Variants in DLGAP2 observed in about 807,000 individuals in gnomAD.
DLGAP2 encodes disks large-associated protein 2.
In DLGAP2, 26 loss-of-function variants were observed where a neutral mutation model predicts 100.3. That is an observed-to-expected ratio of 0.26 (90% CI 0.19 to 0.36). The LOEUF is 0.36. Among genes scored for constraint, DLGAP2 ranks in the 10% least tolerant of loss-of-function variants. The probability of loss-of-function intolerance (pLI) is 1.00; values close to 1 mark genes in which losing one functional copy is unlikely to be tolerated. For missense variants in DLGAP2, 1,858 were observed against 1,453.2 expected (o/e 1.28, Z -4.53); for synonymous variants, 886 against 630.1 (o/e 1.41, Z -6.08).
chr8:1,445,169 T>C (rs1337830936), intron 3 of DLGAP2, among the ~76,000 whole-genome samples: 2 of 150,786 alleles, frequency 1.3e-5, no homozygotes, highest in African/African-American at 4.9e-5. Flanking sequence ...ACATGTGCCA[T>C]GCTGGTGTGC....
intron 3 of DLGAP2, among the ~76,000 whole-genome samples, chr8:1,466,536 TG>T (rs1798632124): frequency 2.7e-5 from 4 of 149,402 alleles, no homozygotes; most frequent in African/African-American, 7.2e-5. Flanking sequence ...TGTGTGTGTG[TG>T]TGTGTGTATG....
intron 2 of DLGAP2, among the ~76,000 whole-genome samples, chr8:1,110,024 G>T (rs1423998806): frequency 3.6e-5 from 5 of 137,270 alleles, no homozygotes; most frequent in South Asian, 5.2e-4. Context: ...GGGTCTGTGA[G>T]GTGTGCACGT....
intron 6 of DLGAP2, among the ~76,000 whole-genome samples, chr8:1,568,828 A>T (rs1406386932): frequency 7.1e-6 from 1 of 140,592 alleles, no homozygotes; most frequent in Non-Finnish European, 1.5e-5. Flanking sequence ...AGCAGACACA[A>T]ATCCGTCTCT....
chr8:1,448,455 T>C (rs1798042609), intron 3 of DLGAP2, among the ~76,000 whole-genome samples: 1 of 152,184 alleles, frequency 6.6e-6, no homozygotes. Flanking sequence ...TGAGAGACAG[T>C]TTGTTATAAT....
intron 3 of DLGAP2, among the ~76,000 whole-genome samples, chr8:1,272,796 C>G (rs1585212479): frequency 1.3e-5 from 2 of 152,036 alleles, no homozygotes; most frequent in South Asian, 2.1e-4. Context: ...CTAGAGCTGT[C>G]AAAGAAGGTC....
intron 3 of DLGAP2, among the ~76,000 whole-genome samples, chr8:1,320,491 A>G (rs1800871000): frequency 6.6e-6 from 1 of 152,204 alleles, no homozygotes; most frequent in Non-Finnish European, 1.5e-5. Context: ...GGAGCCGGGC[A>G]GACGGGTGAA....
chr8:1,154,103 G>C (rs563266745), intron 2 of DLGAP2, among the ~76,000 whole-genome samples: 1 of 152,172 alleles, frequency 6.6e-6, no homozygotes, highest in Non-Finnish European at 1.5e-5. Context: ...CTAAAAATGT[G>C]CATACATGGA....
intron 3 of DLGAP2, among the ~76,000 whole-genome samples, chr8:1,333,541 T>C (rs1024533388): frequency 6.6e-6 from 1 of 152,140 alleles, no homozygotes; most frequent in Non-Finnish European, 1.5e-5. Flanking sequence ...GTGAGTCCTG[T>C]GTGCAGGGTT....
intron 2 of DLGAP2, among the ~76,000 whole-genome samples, chr8:985,231 G>A (rs761807512): frequency 3.9e-5 from 6 of 152,222 alleles, no homozygotes; most frequent in Non-Finnish European, 7.3e-5. Context: ...AAGGTCCGAA[G>A]GCCTGGCTCA....
chr8:1,590,785 C>T (rs1292113937), intron 6 of DLGAP2, among the ~76,000 whole-genome samples: 1 of 152,164 alleles, frequency 6.6e-6, no homozygotes, highest in Non-Finnish European at 1.5e-5. Flanking sequence ...CCTTCCTCCC[C>T]ATCCCGTTCG....
intron 2 of DLGAP2, among the ~76,000 whole-genome samples, chr8:1,237,532 G>T: frequency 7.3e-6 from 1 of 137,058 alleles, no homozygotes; most frequent in Non-Finnish European, 1.6e-5. Context: ...ACAGAGCATC[G>T]TGTCTAGTTC....
intron 3 of DLGAP2, among the ~76,000 whole-genome samples, chr8:1,287,695 G>C (rs1554434860): frequency 1.0e-4 from 2 of 19,238 alleles, no homozygotes; most frequent in East Asian, 1.9e-3. Flanking sequence ...TTTCGGTTCA[G>C]TGTGTGTGTG....
At position 769,726 on chromosome 8, in the gene DLGAP2, T is replaced by G. The variant is rs534885381; in HGVS notation, c.18+31901T>G. On this transcript the variant is annotated intron_variant, in intron 1 of 14. Transcript: ENST00000637795. The stretch of plus-strand genomic sequence containing the variant: ...ACAGAGACACTCATTTCTACTCCCC[T>G]TCCTCCTAGGGACACGAGCCTCTTG... 7.2e-4 allele frequency among the ~76,000 whole-genome samples: 109 copies of G among 152,268 alleles called. 1 individual carries two copies. Among genetic ancestry groups the G allele is most frequent in the African/African-American group, 2.5e-3 (105 of 41,554 alleles).
At chr8:1,172,708 T>G (rs1251685602) in intron 2 of DLGAP2, among the ~76,000 whole-genome samples, 1 of 152,212 alleles carries the variant, frequency 6.6e-6, no homozygotes, top group Non-Finnish European at 1.5e-5. Flanking sequence ...CTTCACATAG[T>G]TCCCGAGCCT....
At chr8:1,043,946 TG>T (rs33916285) in intron 2 of DLGAP2, among the ~76,000 whole-genome samples, 23,757 of 152,002 alleles carry the variant, frequency 0.16, 2,445 homozygotes, top group Non-Finnish European at 0.23. Flanking sequence ...TGCAGTTGCT[TG>T]TGATGCTTTC....
At chr8:1,582,626 G>A (rs139990709) in intron 6 of DLGAP2, among the ~76,000 whole-genome samples, 10 of 151,940 alleles carry the variant, frequency 6.6e-5, no homozygotes, top group African/African-American at 4.8e-5. Flanking sequence ...GTCTCGCTCC[G>A]TCACCCAGGC....
intron 2 of DLGAP2, among the ~76,000 whole-genome samples, chr8:962,838 GA>G (rs1219588304): frequency 6.6e-6 from 1 of 152,212 alleles, no homozygotes; most frequent in Non-Finnish European, 1.5e-5. Flanking sequence ...AAGAGCCTTG[GA>G]AACCCTGATG....
At chr8:1,250,575 A>G (rs571144201) in intron 2 of DLGAP2, 3 of 152,290 alleles carry the variant, frequency 2.0e-5, no homozygotes, top group African/African-American at 7.2e-5. Flanking sequence ...CTGAGCAGGT[A>G]ATTATCTCGG....
chr8:1,468,628 G>T (rs530364571), intron 3 of DLGAP2, among the ~76,000 whole-genome samples: 5 of 152,336 alleles, frequency 3.3e-5, no homozygotes, highest in South Asian at 2.1e-4. Context: ...TGGGAAGCCT[G>T]TGCTTTGGGG....
Sources: allele counts gnomAD v4.1 joint callset (sites outside exome capture counted in the v4.1 genomes callset), GRCh38; gene constraint gnomAD v4.1.1; transcripts MANE v1.5; gene names NCBI Gene and HGNC (gene_info 2026-07-23, HGNC 2026-07-21).